NSUN3: variants seen among roughly 807,000 people sequenced by gnomAD.
The protein encoded by NSUN3 is tRNA (cytosine(34)-C(5))-methyltransferase, mitochondrial.
A neutral mutation model predicts 36.8 loss-of-function variants in NSUN3; 24 were observed. The observed-to-expected ratio is 0.65, with a 90% CI of 0.47 to 0.92. The LOEUF is 0.92. NSUN3 is among the 40% of genes least tolerant of loss of function. The pLI is 0.00. For synonymous variants in NSUN3, 146 were observed against 145.2 expected (o/e 1.01, Z -0.04); for missense variants, 381 against 392.8 (o/e 0.97, Z 0.25).
At chr3:94,101,990 G>A (rs185837572) in intron 5 of NSUN3, among the ~76,000 whole-genome samples, 8 of 152,058 alleles carry the variant, frequency 5.3e-5, no homozygotes, top group South Asian at 2.1e-4. Context: ...CATGTCATTC[G>A]TTTCCTAGGA....
At chr3:94,076,451 A>G (rs2077246703) in intron 2 of NSUN3, 5 of 789,408 alleles carry the variant, frequency 6.3e-6, no homozygotes, top group Admixed American at 5.1e-5. Flanking sequence ...AACTGACCCA[A>G]ACAGAGACTT....
intron 5 of NSUN3, among the ~76,000 whole-genome samples, chr3:94,103,636 T>C (rs934503047): frequency 4.6e-5 from 7 of 152,110 alleles, no homozygotes; most frequent in African/African-American, 1.7e-4. Flanking sequence ...TGATATACAA[T>C]TGATATCTTT....
intron 2 of NSUN3, chr3:94,076,760 CA>C (rs1394379096): frequency 2.6e-5 from 39 of 1,494,866 alleles, no homozygotes; most frequent in Non-Finnish European, 3.3e-5. Context: ...TGTGATAATA[CA>C]AGGATTCTGG....
In NSUN3 at chr3:94,126,603, A is replaced by G. The variant is rs2077487460; in HGVS notation, c.*113A>G. On this transcript the variant is annotated 3_prime_UTR_variant, in exon 6 of 6. Transcript: ENST00000314622. ...TTTCTCTGGGTCTGTTTGGAATCCT[A>G]TTTAGTTAATACTTTAGCATCTTAG... 1 of 915,684 alleles carries G rather than the reference A, an allele frequency of 1.1e-6. No homozygotes were observed. The highest frequency in any genetic ancestry group is 2.8e-5 in the Admixed American group (1 of 35,238). The allele number at this position is 915,684 out of a possible 1,614,324, so 56.7% of individuals were successfully genotyped here.
chr3:94,064,750 G>T (rs1227115686), intron 2 of NSUN3, among the ~76,000 whole-genome samples: 1 of 152,186 alleles, frequency 6.6e-6, no homozygotes, highest in Non-Finnish European at 1.5e-5. Context: ...ACTTTGTCGG[G>T]ATGGTAAGCA....
intron 5 of NSUN3, among the ~76,000 whole-genome samples, chr3:94,103,531 G>C (rs1180976490): frequency 6.6e-6 from 1 of 151,344 alleles, no homozygotes; most frequent in Non-Finnish European, 1.5e-5. Flanking sequence ...GGCTGCTATA[G>C]TATGTAGAGT....
chr3:94,112,869 ACT>A (rs2077423564), intron 5 of NSUN3, among the ~76,000 whole-genome samples: 4 of 150,856 alleles, frequency 2.7e-5, no homozygotes, highest in Admixed American at 1.3e-4. Context: ...GAATAACAAA[ACT>A]CTTTTTTTTT....
In NSUN3 at chr3:94,127,536, C is replaced by T. The variant is rs571982137; in HGVS notation, c.*1046C>T. 1.3e-5 allele frequency: 2 copies of T among 152,240 alleles called. No homozygotes were observed. Among genetic ancestry groups the T allele is most frequent in the Admixed American group, 6.5e-5 (1 of 15,290 alleles). The allele number at this position is 152,240 out of a possible 1,614,324, so 9.4% of individuals were successfully genotyped here. A position where few individuals can be genotyped will look rare whatever the true frequency, so the allele number is the denominator to read the frequency against. On this transcript the variant is annotated 3_prime_UTR_variant, in exon 6 of 6. Coordinates refer to ENST00000314622, the MANE Select transcript of NSUN3 (RefSeq NM_022072.5). Reference sequence around the variant, plus strand: ...AATCCTGGGAATACTGTATACATTTCTTCTTATGTACTTAGGGTTTTAGCT... The same window carrying T: ...AATCCTGGGAATACTGTATACATTTTTTCTTATGTACTTAGGGTTTTAGCT...
chr3:94,079,560 C>T (rs2077259979), intron 2 of NSUN3, among the ~76,000 whole-genome samples: 1 of 152,150 alleles, frequency 6.6e-6, no homozygotes, highest in Admixed American at 6.5e-5. Flanking sequence ...CTTTCAGGTA[C>T]ACCAATCAAA....
At chr3:94,122,168 A>C (rs927316641) in intron 5 of NSUN3, among the ~76,000 whole-genome samples, 4 of 151,920 alleles carry the variant, frequency 2.6e-5, no homozygotes, top group Non-Finnish European at 5.9e-5. Context: ...AAAAAAAAAA[A>C]AAACAATTTA....
At position 94,126,440 on chromosome 3, in the gene NSUN3, C is replaced by G; in HGVS notation, c.973C>G (p.Pro325Ala). 6.2e-7 allele frequency: 1 copy of G among 1,613,596 alleles called. No homozygotes were observed. The highest frequency in any genetic ancestry group is 1.1e-5 in the South Asian group (1 of 91,064). Reference protein sequence around the residue: ...VIPDKGKAWGPMYVAKLKKSW... With the variant: ...VIPDKGKAWGAMYVAKLKKSW... ...TCCAGATAAGGGCAAAGCCTGGGGC[C>G]CAATGTATGTAGCCAAATTGAAGAA... Residue 325 changes from proline (P) to alanine (A), a missense_variant, in exon 6 of 6, where the codon CCA becomes GCA. Physicochemically the swap from Pro to Ala is conservative, Grantham distance 27. Coordinates refer to ENST00000314622, the MANE Select transcript of NSUN3 (RefSeq NM_022072.5).
intron 5 of NSUN3, among the ~76,000 whole-genome samples, chr3:94,118,341 TAGGTTAGC>T (rs2077448553): frequency 6.6e-6 from 1 of 152,194 alleles, no homozygotes; most frequent in South Asian, 2.1e-4. Context: ...TTTAGAGTAT[TAGGTTAGC>T]ATTGTACTTA....
At chr3:94,107,476 G>A (rs1213708140) in intron 5 of NSUN3, among the ~76,000 whole-genome samples, 1 of 151,768 alleles carries the variant, frequency 6.6e-6, no homozygotes, top group Admixed American at 6.6e-5. Flanking sequence ...TGTAGAAACA[G>A]GGGTCTCTCT....
At chr3:94,085,536 C>T (rs1437009643) in intron 3 of NSUN3, among the ~76,000 whole-genome samples, 3 of 152,114 alleles carry the variant, frequency 2.0e-5, no homozygotes, top group Non-Finnish European at 4.4e-5. Flanking sequence ...GCAGGCGGAT[C>T]GCTTGAGCTC....
At position 94,127,779 on chromosome 3, in the gene NSUN3, TAG is replaced by T; in HGVS notation, c.*1293_*1294del. The T allele has an allele frequency of 6.6e-6, 1 of 152,338 alleles. No homozygotes were observed. Among genetic ancestry groups the T allele is most frequent in the South Asian group, 2.1e-4 (1 of 4,826 alleles). The allele number at this position is 152,338 out of a possible 1,614,324, so 9.4% of individuals were successfully genotyped here. On this transcript the variant is annotated 3_prime_UTR_variant, in exon 6 of 6. Transcript: ENST00000314622. Reference sequence around the variant, plus strand: ...TTCATTATGTTCTGTGCCTTTAAACTAGAGACTATTTGCTTATTAATATTTTT... The same window carrying T: ...TTCATTATGTTCTGTGCCTTTAAACTAGACTATTTGCTTATTAATATTTTT...
intron 5 of NSUN3, among the ~76,000 whole-genome samples, chr3:94,110,320 A>C: frequency 6.6e-6 from 1 of 151,980 alleles, no homozygotes; most frequent in East Asian, 1.9e-4. Context: ...ATTGATAGGA[A>C]GTTATCAGTG....
At chr3:94,099,526 C>T (rs1436145133) in intron 5 of NSUN3, among the ~76,000 whole-genome samples, 2 of 152,116 alleles carry the variant, frequency 1.3e-5, no homozygotes, top group South Asian at 2.1e-4. Context: ...CCAGCCATCT[C>T]CCATTCTTTT....
chr3:94,075,795 C>T (rs1409887146), intron 2 of NSUN3: 2 of 787,062 alleles, frequency 2.5e-6, no homozygotes, highest in Non-Finnish European at 1.9e-6. Flanking sequence ...TTGGTGGTAC[C>T]TATTATATAG....
At position 94,126,441 on chromosome 3, in the gene NSUN3, C is replaced by T. The variant is rs1262861480; in HGVS notation, c.974C>T (p.Pro325Leu). 6.2e-7 allele frequency: 1 copy of T among 1,613,642 alleles called. No individual in the cohort carries two copies. The highest frequency in any genetic ancestry group is 8.5e-7 in the Non-Finnish European group (1 of 1,179,658). Reference sequence around the variant, plus strand: ...CCAGATAAGGGCAAAGCCTGGGGCCCAATGTATGTAGCCAAATTGAAGAAA... The same window carrying T: ...CCAGATAAGGGCAAAGCCTGGGGCCTAATGTATGTAGCCAAATTGAAGAAA... ...VIPDKGKAWGPMYVAKLKKSW... is the reference protein window; with the variant it reads ...VIPDKGKAWGLMYVAKLKKSW... The change falls in exon 6 of 6, where the codon CCA (proline) becomes CTA (leucine). Residue 325 changes from proline (P) to leucine (L), a missense_variant. Pro to Leu is a moderately conservative substitution (Grantham distance 98). Coordinates refer to ENST00000314622, the MANE Select transcript of NSUN3 (RefSeq NM_022072.5).
Sources: allele counts gnomAD v4.1 joint callset (sites outside exome capture counted in the v4.1 genomes callset), GRCh38; gene constraint gnomAD v4.1.1; transcripts MANE v1.5; gene names NCBI Gene and HGNC (gene_info 2026-07-23, HGNC 2026-07-21).